The following NRG1 variants were observed in gnomAD, a reference collection of about 807,000 sequenced individuals.
NRG1 encodes the protein neuregulin 1.
In NRG1, 18 loss-of-function variants were observed where a neutral mutation model predicts 63.8. That is an observed-to-expected ratio of 0.28 (90% confidence interval 0.19 to 0.42). The LOEUF (loss-of-function observed/expected upper bound fraction) is 0.42, where lower values mean the gene tolerates loss of function less well. Among genes scored for constraint, NRG1 ranks in the 10% least tolerant of loss-of-function variants. NRG1 has a pLI of 1.00. For synonymous variants in NRG1, 302 were observed against 301.3 expected (o/e 1.00, Z -0.02); for missense variants, 762 against 814.7 (o/e 0.94, Z 0.79).
At chr8:32,642,337 G>T (rs1218561842) in intron 5 of NRG1, among the ~76,000 whole-genome samples, 4 of 152,168 alleles carry the variant, frequency 2.6e-5, no homozygotes, top group African/African-American at 9.7e-5. Context: ...CAAATAAATT[G>T]CATTCTTCAG....
chr8:32,265,379 G>C (rs988687120), intron 1 of NRG1, among the ~76,000 whole-genome samples: 3 of 151,970 alleles, frequency 2.0e-5, no homozygotes, highest in African/African-American at 7.3e-5. Flanking sequence ...TGTCAGTAAA[G>C]ACTGACTAGT....
In NRG1 at chr8:31,962,425, C is replaced by T. The variant is rs141234338; in HGVS notation, c.37+322994C>T. 4.3e-4 allele frequency among the ~76,000 whole-genome samples: 66 copies of T among 152,166 alleles called. 1 individual carries two copies. In the East Asian group the frequency reaches 0.012, roughly 28 times the overall value. The stretch of plus-strand genomic sequence containing the variant: ...GAGTTAGCAATGTTAAGTGAAGAGT[C>T]CTTGTTTTCAAACTTTGCAAATTAC... On this transcript the variant is annotated intron_variant, in intron 1 of 10. Transcript: ENST00000519301.
chr8:31,833,599 C>T (rs1429533376), intron 1 of NRG1, among the ~76,000 whole-genome samples: 1 of 152,096 alleles, frequency 6.6e-6, no homozygotes, highest in Non-Finnish European at 1.5e-5. Flanking sequence ...ATAATAAAAA[C>T]TAGAAGGAAA....
intron 1 of NRG1, among the ~76,000 whole-genome samples, chr8:31,870,613 A>G (rs757724861): frequency 1.2e-4 from 18 of 152,198 alleles, no homozygotes; most frequent in Non-Finnish European, 2.1e-4. Flanking sequence ...TAAAAAGTAA[A>G]CACAAAATAA....
At chr8:31,803,039 T>C (rs528128864) in intron 1 of NRG1, among the ~76,000 whole-genome samples, 2 of 152,300 alleles carry the variant, frequency 1.3e-5, no homozygotes, top group East Asian at 3.9e-4. Flanking sequence ...ATATCACCTA[T>C]ATGCTAATTT....
At chr8:31,948,987 A>G (rs1285395432) in intron 1 of NRG1, among the ~76,000 whole-genome samples, 1 of 152,240 alleles carries the variant, frequency 6.6e-6, no homozygotes, top group Admixed American at 6.5e-5. Flanking sequence ...CATTCAATTC[A>G]AACGAAATGT....
chr8:31,850,755 G>T (rs768029773), intron 1 of NRG1, among the ~76,000 whole-genome samples: 41 of 152,072 alleles, frequency 2.7e-4, no homozygotes, highest in Non-Finnish European at 5.0e-4. Context: ...TTCCTTCCAG[G>T]TTCATTGCCA....
intron 1 of NRG1, among the ~76,000 whole-genome samples, chr8:32,209,710 T>TTCCC (rs1844461744): frequency 7.0e-6 from 1 of 142,518 alleles, no homozygotes; most frequent in African/African-American, 2.6e-5. Flanking sequence ...CTTTCTCTCT[T>TTCCC]TCCCTTCCTT....
At chr8:32,345,069 T>C (rs1804708655) in intron 1 of NRG1, among the ~76,000 whole-genome samples, 1 of 152,184 alleles carries the variant, frequency 6.6e-6, no homozygotes, top group Non-Finnish European at 1.5e-5. Context: ...TCACTTCCTC[T>C]GCAGGTGATG....
intron 1 of NRG1, among the ~76,000 whole-genome samples, chr8:31,906,934 A>G (rs1424042451): frequency 2.6e-5 from 4 of 152,214 alleles, no homozygotes; most frequent in Non-Finnish European, 5.9e-5. Flanking sequence ...AACTACAGCA[A>G]AAAATGTACA....
At chr8:32,495,124 C>T (rs1287790969) in intron 1 of NRG1, among the ~76,000 whole-genome samples, 1 of 152,126 alleles carries the variant, frequency 6.6e-6, no homozygotes, top group Non-Finnish European at 1.5e-5. Flanking sequence ...TTAACAGTGA[C>T]CAGGTGATAT....
intron 1 of NRG1, among the ~76,000 whole-genome samples, chr8:32,445,065 G>A (rs984236303): frequency 4.6e-5 from 7 of 152,092 alleles, no homozygotes; most frequent in Non-Finnish European, 1.0e-4. Flanking sequence ...TCACCTGAGG[G>A]CGATACACTA....
At chr8:32,318,130 G>T (rs1800976453) in intron 1 of NRG1, among the ~76,000 whole-genome samples, 2 of 152,114 alleles carry the variant, frequency 1.3e-5, no homozygotes, top group South Asian at 4.2e-4. Flanking sequence ...AGAAGGCAAG[G>T]GTATGGAAAA....
At chr8:31,683,460 C>T (rs1446382820) in intron 1 of NRG1, among the ~76,000 whole-genome samples, 5 of 152,076 alleles carry the variant, frequency 3.3e-5, no homozygotes, top group Non-Finnish European at 1.5e-5. Context: ...GCAAAGGTTA[C>T]CTACCGTATG....
intron 1 of NRG1, among the ~76,000 whole-genome samples, chr8:31,919,321 T>G (rs1833696374): frequency 6.6e-6 from 1 of 152,072 alleles, no homozygotes; most frequent in Non-Finnish European, 1.5e-5. Context: ...ACAGTTTCTT[T>G]GAATATTTCA....
intron 1 of NRG1, among the ~76,000 whole-genome samples, chr8:31,956,876 T>C (rs946646659): frequency 2.6e-5 from 4 of 152,356 alleles, no homozygotes; most frequent in East Asian, 3.9e-4. Context: ...AAAACCCATA[T>C]ACTTTTGCCT....
At chr8:32,144,729 C>T (rs375849641) in intron 1 of NRG1, among the ~76,000 whole-genome samples, 2 of 152,036 alleles carry the variant, frequency 1.3e-5, no homozygotes, top group Non-Finnish European at 2.9e-5. Context: ...TGGAGATGCT[C>T]GCTTAAACAA....
intron 1 of NRG1, among the ~76,000 whole-genome samples, chr8:31,815,076 A>ATGAAAT (rs1050957985): frequency 6.6e-6 from 1 of 152,038 alleles, no homozygotes; most frequent in African/African-American, 2.4e-5. Context: ...AATTTTTTTC[A>ATGAAAT]TTGTATGAAA....
chr8:32,204,586 G>A (rs1843826935), intron 1 of NRG1, among the ~76,000 whole-genome samples: 2 of 152,272 alleles, frequency 1.3e-5, no homozygotes, highest in South Asian at 4.1e-4. Context: ...TCTATATAGT[G>A]AATTATGAGA....
Sources: allele counts gnomAD v4.1 joint callset (sites outside exome capture counted in the v4.1 genomes callset), GRCh38; gene constraint gnomAD v4.1.1; transcripts MANE v1.5; gene names NCBI Gene and HGNC (gene_info 2026-07-23, HGNC 2026-07-21).